Variants in ADAM32 observed in about 807,000 individuals in gnomAD.
The protein encoded by ADAM32 is disintegrin and metalloproteinase domain-containing protein 32.
In ADAM32, 89 loss-of-function variants were observed where a neutral mutation model predicts 114.9. The ratio of observed to expected loss-of-function variants is 0.77; its 90% CI spans 0.65 to 0.92. ADAM32 has a LOEUF of 0.92. Among genes scored for constraint, ADAM32 ranks in the 40% least tolerant of loss-of-function variants. The pLI is 0.00. For missense variants in ADAM32, 870 were observed against 932.8 expected (o/e 0.93, Z 0.88); for synonymous variants, 285 against 307.5 (o/e 0.93, Z 0.77).
intron 11 of ADAM32, among the ~76,000 whole-genome samples, chr8:39,206,558 G>A (rs1237945129): frequency 6.6e-6 from 1 of 152,230 alleles, no homozygotes; most frequent in Non-Finnish European, 1.5e-5. Context: ...ACATTGGAGG[G>A]TTCTGGGTTG....
At chr8:39,133,221 A>G (rs1802569972) in intron 2 of ADAM32, among the ~76,000 whole-genome samples, 1 of 152,040 alleles carries the variant, frequency 6.6e-6, no homozygotes. Flanking sequence ...CTGTTAGTTG[A>G]GACCTGGCAC....
chr8:39,189,920 T>A (rs1806497293), intron 11 of ADAM32, among the ~76,000 whole-genome samples: 1 of 152,148 alleles, frequency 6.6e-6, no homozygotes, highest in East Asian at 1.9e-4. Context: ...GTGCACGCCA[T>A]TCTCCTGCCT....
In ADAM32 at chr8:39,204,919, G is replaced by C. The variant is rs570551708; in HGVS notation, c.1053-6225G>C. The stretch of plus-strand genomic sequence containing the variant: ...CCAGACCCTGTTTGCCTGGGTATCA[G>C]CAGCGGAAGCTGTAGAACAGCGAAT... On this transcript the variant is annotated intron_variant, in intron 11 of 24. Coordinates refer to ENST00000379907, the MANE Select transcript of ADAM32 (RefSeq NM_145004.7). 4.1e-4 allele frequency among the ~76,000 whole-genome samples: 63 copies of C among 152,364 alleles called. No homozygotes were observed. In the East Asian group the frequency reaches 0.012, roughly 29 times the overall value.
intron 14 of ADAM32, among the ~76,000 whole-genome samples, chr8:39,224,727 C>G (rs1247261729): frequency 1.3e-5 from 2 of 151,858 alleles, no homozygotes; most frequent in Non-Finnish European, 2.9e-5. Context: ...TGATTTTTTC[C>G]TTTGTTGTGC....
chr8:39,149,569 A>G (rs1369691545), intron 4 of ADAM32, among the ~76,000 whole-genome samples: 2 of 152,188 alleles, frequency 1.3e-5, no homozygotes, highest in East Asian at 1.9e-4. Context: ...AGCAGGGTGT[A>G]AAATAGTAAT....
chr8:39,258,810 T>G (rs1297436657), intron 19 of ADAM32, among the ~76,000 whole-genome samples: 1 of 152,158 alleles, frequency 6.6e-6, no homozygotes, highest in African/African-American at 2.4e-5. Context: ...TCCCTCTGAT[T>G]GTTGAAATTT....
chr8:39,189,666 T>G (rs1806473012), intron 11 of ADAM32, among the ~76,000 whole-genome samples: 1 of 152,168 alleles, frequency 6.6e-6, no homozygotes, highest in African/African-American at 2.4e-5. Context: ...TAAATTACCA[T>G]TAATTACAGT....
chr8:39,223,031 T>G lies in ADAM32; in HGVS notation c.1327-9T>G, dbSNP rs1396643755. On this transcript the variant is annotated splice_polypyrimidine_tract_variant and intron_variant, in intron 13 of 24. Coordinates refer to ENST00000379907, the MANE Select transcript of ADAM32 (RefSeq NM_145004.7). ...AATGCTTTATTTTTTATGTTCTAAC[T>G]TCTCTTAGATTTTACAATCAGGCGT... The G allele has an allele frequency of 6.5e-7, 1 of 1,548,334 alleles. No individual in the cohort carries two copies. The highest frequency in any genetic ancestry group is 2.4e-5 in the East Asian group (1 of 42,014).
intron 11 of ADAM32, among the ~76,000 whole-genome samples, chr8:39,190,493 G>A (rs1285270080): frequency 6.6e-6 from 1 of 152,202 alleles, no homozygotes; most frequent in Non-Finnish European, 1.5e-5. Context: ...ATGGCTGTAT[G>A]AATTTACATT....
At chr8:39,116,714 C>T (rs376423739) in intron 1 of ADAM32, among the ~76,000 whole-genome samples, 8 of 151,980 alleles carry the variant, frequency 5.3e-5, no homozygotes, top group East Asian at 1.9e-4. Flanking sequence ...TCTTCCTATT[C>T]GGATGCCTTT....
chr8:39,244,117 A>T (rs1810739586), intron 16 of ADAM32, among the ~76,000 whole-genome samples: 1 of 152,224 alleles, frequency 6.6e-6, no homozygotes, highest in African/African-American at 2.4e-5. Flanking sequence ...GAAATTATAG[A>T]TGACACAAAC....
intron 3 of ADAM32, among the ~76,000 whole-genome samples, chr8:39,145,104 AC>A (rs1266291053): frequency 6.6e-6 from 1 of 152,230 alleles, no homozygotes; most frequent in Non-Finnish European, 1.5e-5. Flanking sequence ...GAGTAAGTTA[AC>A]CAAGGAGGTG....
chr8:39,192,791 T>C (rs974061405), intron 11 of ADAM32, among the ~76,000 whole-genome samples: 3 of 152,216 alleles, frequency 2.0e-5, no homozygotes, highest in African/African-American at 7.2e-5. Flanking sequence ...TTTGGCCAAA[T>C]ATGAAATTCT....
At chr8:39,240,147 A>G (rs998659234) in intron 16 of ADAM32, among the ~76,000 whole-genome samples, 1 of 152,232 alleles carries the variant, frequency 6.6e-6, no homozygotes, top group Non-Finnish European at 1.5e-5. Flanking sequence ...AGCACATGGA[A>G]CATATTCCAA....
intron 10 of ADAM32, among the ~76,000 whole-genome samples, chr8:39,174,504 ATT>A (rs1805391481): frequency 6.7e-6 from 1 of 150,120 alleles, no homozygotes; most frequent in Non-Finnish European, 1.5e-5. Context: ...TTATTTATTT[ATT>A]TGTTTATTTT....
intron 14 of ADAM32, 55 bp from the exon 15 acceptor site, chr8:39,231,972 G>A: frequency 7.5e-7 from 1 of 1,339,590 alleles, no homozygotes; most frequent in African/African-American, 1.5e-5. Context: ...AAGAAATGGA[G>A]GAAGATGAAA....
chr8:39,180,682 A>G (rs940807630), intron 10 of ADAM32, among the ~76,000 whole-genome samples: 5 of 152,182 alleles, frequency 3.3e-5, no homozygotes, highest in Admixed American at 3.3e-4. Context: ...CAAGGTTTGT[A>G]AACACACCAA....
At chr8:39,238,269 C>T (rs1305926649) in intron 16 of ADAM32, among the ~76,000 whole-genome samples, 2 of 152,196 alleles carry the variant, frequency 1.3e-5, no homozygotes, top group African/African-American at 2.4e-5. Flanking sequence ...TGCAAACATT[C>T]CCAAGTACCA....
chr8:39,171,540 A>T (rs2129446487), intron 10 of ADAM32, among the ~76,000 whole-genome samples: 1 of 152,160 alleles, frequency 6.6e-6, no homozygotes, highest in East Asian at 1.9e-4. Context: ...AACATTTTTT[A>T]TTACTGAAAT....
Sources: gnomAD v4.1 joint callset for allele counts (sites outside exome capture counted in the v4.1 genomes callset) on GRCh38, gnomAD v4.1.1 for gene constraint, MANE v1.5 for transcripts, NCBI Gene and HGNC (gene_info 2026-07-23, HGNC 2026-07-21) for gene names.